LCMT1: variants seen among roughly 807,000 people sequenced by gnomAD.
LCMT1 encodes the protein leucine carboxyl methyltransferase 1, also known as [Phosphatase 2A protein]-leucine-carboxy methyltransferase 1.
LCMT1 carries 32 observed loss-of-function variants against 47.7 expected under a neutral mutation model. That is an observed-to-expected ratio of 0.67 (90% CI 0.51 to 0.90). The LOEUF (loss-of-function observed/expected upper bound fraction) is 0.90, where lower values mean the gene tolerates loss of function less well. LCMT1 is among the 40% of genes least tolerant of loss of function. The pLI is 0.00. For missense variants in LCMT1, 375 were observed against 415.2 expected, an observed-to-expected ratio of 0.90 and a Z score of 0.84; for synonymous variants, 152 against 149.7, an observed-to-expected ratio of 1.02 and a Z score of -0.11.
chr16:25,156,526 C>G (rs1389029517), intron 5 of LCMT1, among the ~76,000 whole-genome samples: 1 of 152,148 alleles, frequency 6.6e-6, no homozygotes, highest in Admixed American at 6.5e-5. Flanking sequence ...TTCAGTTGGG[C>G]CGTGAGGAGG....
chr16:25,135,635 G>C (rs1960482654), intron 3 of LCMT1, among the ~76,000 whole-genome samples: 1 of 152,176 alleles, frequency 6.6e-6, no homozygotes, highest in Non-Finnish European at 1.5e-5. Flanking sequence ...GCACCTTCCA[G>C]CCGGAATGGT....
chr16:25,159,933 G>A (rs2141695773), intron 5 of LCMT1, among the ~76,000 whole-genome samples: 2 of 148,412 alleles, frequency 1.3e-5, no homozygotes, highest in South Asian at 2.2e-4. Context: ...ATAAAATCAA[G>A]CAATTTTCTT....
intron 3 of LCMT1, among the ~76,000 whole-genome samples, chr16:25,138,171 G>C (rs567386964): frequency 3.2e-4 from 49 of 152,328 alleles, no homozygotes; most frequent in African/African-American, 1.2e-3. Flanking sequence ...AAGTGGAGAG[G>C]GGGAGAGGCT....
intron 1 of LCMT1, among the ~76,000 whole-genome samples, chr16:25,119,240 C>G (rs545473850): frequency 2.6e-5 from 4 of 151,950 alleles, no homozygotes; most frequent in Non-Finnish European, 5.9e-5. Flanking sequence ...TCAAATGTGG[C>G]TCACTCCAAG....
chr16:25,114,884 G>A (rs1959739969), intron 1 of LCMT1, among the ~76,000 whole-genome samples: 2 of 152,106 alleles, frequency 1.3e-5, no homozygotes, highest in Non-Finnish European at 2.9e-5. Flanking sequence ...CCTGATTGCT[G>A]TTGTTCAGCT....
chr16:25,128,607 A>G lies in LCMT1; in HGVS notation c.205+41A>G, dbSNP rs1193628204. 3.4e-6 allele frequency: 5 copies of G among 1,452,328 alleles called. No individual in the cohort carries two copies. The South Asian group carries it at 3.6e-5, about 11-fold the overall frequency. The allele number at this position is 1,452,328 out of a possible 1,614,324, so 90.0% of individuals were successfully genotyped here. On this transcript the variant is annotated intron_variant, in intron 2 of 10. Coordinates refer to ENST00000399069, the MANE Select transcript of LCMT1 (RefSeq NM_016309.3). ...CCTCCCCAACAGCACCTCATCAGCT[A>G]CCTGAGGTTTTAGGGGTTCATTCTT...
intron 1 of LCMT1, among the ~76,000 whole-genome samples, chr16:25,116,300 T>C (rs1457066237): frequency 6.6e-6 from 1 of 152,182 alleles, no homozygotes; most frequent in Non-Finnish European, 1.5e-5. Flanking sequence ...AGCTGTAACA[T>C]GTAAAGAAGC....
At chr16:25,119,230 T>C (rs1959893282) in intron 1 of LCMT1, among the ~76,000 whole-genome samples, 1 of 151,922 alleles carries the variant, frequency 6.6e-6, no homozygotes, top group Non-Finnish European at 1.5e-5. Flanking sequence ...TTGGCTTAGC[T>C]CAAATGTGGC....
chr16:25,176,475 G>A (rs1961942061), intron 10 of LCMT1, among the ~76,000 whole-genome samples: 1 of 150,214 alleles, frequency 6.7e-6, no homozygotes, highest in South Asian at 2.1e-4. Flanking sequence ...ACACAGATTT[G>A]CCTAGCTATG....
intron 1 of LCMT1, among the ~76,000 whole-genome samples, chr16:25,127,165 T>C (rs1960215387): frequency 6.6e-6 from 1 of 152,218 alleles, no homozygotes; most frequent in South Asian, 2.1e-4. Flanking sequence ...AGAGTAAGCA[T>C]CATAAATGTC....
At chr16:25,162,274 A>G (rs1402767213) in intron 6 of LCMT1, among the ~76,000 whole-genome samples, 1 of 152,144 alleles carries the variant, frequency 6.6e-6, no homozygotes, top group Non-Finnish European at 1.5e-5. Context: ...ACTTCTCTGC[A>G]TCTGTTTCCT....
At chr16:25,120,574 G>T (rs1431594716) in intron 1 of LCMT1, among the ~76,000 whole-genome samples, 2 of 151,800 alleles carry the variant, frequency 1.3e-5, no homozygotes, top group Non-Finnish European at 1.5e-5. Context: ...ACAATTACAG[G>T]CATGTGCCAC....
At chr16:25,173,709 T>G (rs1020277279) in intron 9 of LCMT1, among the ~76,000 whole-genome samples, 1 of 141,580 alleles carries the variant, frequency 7.1e-6, no homozygotes, top group Non-Finnish European at 1.6e-5. Flanking sequence ...CAGAAACTTT[T>G]TTTTTGTTTT....
intron 4 of LCMT1, among the ~76,000 whole-genome samples, chr16:25,149,824 G>T (rs769228282): frequency 6.7e-6 from 1 of 148,366 alleles, no homozygotes; most frequent in Non-Finnish European, 1.5e-5. Flanking sequence ...GAGATAGAAG[G>T]ATCACTTGAG....
At chr16:25,152,101 G>A (rs1262835106) in intron 5 of LCMT1, among the ~76,000 whole-genome samples, 1 of 152,092 alleles carries the variant, frequency 6.6e-6, no homozygotes, top group African/African-American at 2.4e-5. Context: ...TGAAGCAGAG[G>A]ACACAAAAAC....
At chr16:25,157,324 C>T (rs1001380687) in intron 5 of LCMT1, among the ~76,000 whole-genome samples, 4 of 151,956 alleles carry the variant, frequency 2.6e-5, no homozygotes, top group Non-Finnish European at 5.9e-5. Context: ...CAGGAGGATC[C>T]CTTGAGCCCA....
At chr16:25,158,933 AC>A (rs1175681419) in intron 5 of LCMT1, 1 of 152,196 alleles carries the variant, frequency 6.6e-6, no homozygotes, top group African/African-American at 2.4e-5. Flanking sequence ...GCCACCACAT[AC>A]GGCTGGGCCA....
intron 1 of LCMT1, among the ~76,000 whole-genome samples, chr16:25,127,503 A>C (rs1452722202): frequency 6.6e-6 from 1 of 152,140 alleles, no homozygotes; most frequent in Non-Finnish European, 1.5e-5. Context: ...TTCAACACTT[A>C]TTGTAGTCAG....
intron 1 of LCMT1, among the ~76,000 whole-genome samples, chr16:25,115,756 C>T (rs1036751503): frequency 6.6e-6 from 1 of 152,188 alleles, no homozygotes; most frequent in Non-Finnish European, 1.5e-5. Context: ...TGGTTCACTG[C>T]AACCTCTCCC....
Sources: allele counts gnomAD v4.1 joint callset (sites outside exome capture counted in the v4.1 genomes callset), GRCh38; gene constraint gnomAD v4.1.1; transcripts MANE v1.5; gene names NCBI Gene and HGNC (gene_info 2026-07-23, HGNC 2026-07-21).